PBX1: variants seen among roughly 807,000 people sequenced by gnomAD.
PBX1 encodes PBX homeobox 1.
A neutral mutation model predicts 53.4 loss-of-function variants in PBX1; 6 were observed. That is an observed-to-expected ratio of 0.11 (90% CI 0.06 to 0.22). PBX1 has a LOEUF of 0.22. PBX1 is among the 10% of genes least tolerant of loss of function. The probability of loss-of-function intolerance (pLI) is 1.00; values close to 1 mark genes in which losing one functional copy is unlikely to be tolerated. For synonymous variants in PBX1, 204 were observed against 212.3 expected, an observed-to-expected ratio of 0.96 and a Z score of 0.34; for missense variants, 251 against 551.4, an observed-to-expected ratio of 0.46 and a Z score of 5.46.
chr1:164,653,433 C>T (rs1183781423), intron 2 of PBX1, among the ~76,000 whole-genome samples: 2 of 151,896 alleles, frequency 1.3e-5, no homozygotes, highest in East Asian at 3.9e-4. Flanking sequence ...TGGGTGATGG[C>T]CTGGCTCCCT....
At chr1:164,737,073 A>G (rs572668416) in intron 2 of PBX1, among the ~76,000 whole-genome samples, 98 of 152,354 alleles carry the variant, frequency 6.4e-4, no homozygotes, top group African/African-American at 2.1e-3. Context: ...GGATTCCACC[A>G]AACAGTGGTG....
intron 1 of PBX1, among the ~76,000 whole-genome samples, chr1:164,561,661 T>C (rs552337294): frequency 3.7e-4 from 57 of 152,286 alleles, no homozygotes; most frequent in East Asian, 9.6e-4. Context: ...TACTACTTTT[T>C]TGATGTTCAG....
chr1:164,631,685 G>A (rs576117312), intron 2 of PBX1, among the ~76,000 whole-genome samples: 15 of 152,274 alleles, frequency 9.9e-5, no homozygotes, highest in African/African-American at 3.6e-4. Flanking sequence ...TATTATTTTA[G>A]TAGACAGATG....
rs567132422 is a variant in PBX1, at chr1:164,718,142, T to G, written c.266-74352T>G. Among the ~76,000 whole-genome samples, 20 of 152,346 alleles carry G rather than the reference T, an allele frequency of 1.3e-4. 1 individual carries two copies. The highest frequency in any genetic ancestry group is 2.1e-4 in the South Asian group (1 of 4,828). Reference sequence around the variant, plus strand: ...GATTCCTAAACTGTGGATAAAGTTGTGTTTCCATTTGGACTTACCACGAAT... The same window carrying G: ...GATTCCTAAACTGTGGATAAAGTTGGGTTTCCATTTGGACTTACCACGAAT... On this transcript the variant is annotated intron_variant, in intron 2 of 8. Transcript: ENST00000420696.
rs1557954588 is a variant in PBX1 at position 164,705,020 on chromosome 1, C to T, written c.266-87474C>T. 2.0e-5 allele frequency among the ~76,000 whole-genome samples: 3 copies of T among 152,176 alleles called. No individual in the cohort carries two copies. In the South Asian group the frequency reaches 6.2e-4, roughly 31 times the overall value. On this transcript the variant is annotated intron_variant, in intron 2 of 8. Transcript: ENST00000420696. Reference sequence around the variant, plus strand: ...GGAAATCATTTGAGAAATTTTGTAACATTTGTGATAATCTATAAAAAGGTT... The same window carrying T: ...GGAAATCATTTGAGAAATTTTGTAATATTTGTGATAATCTATAAAAAGGTT...
intron 8 of PBX1, among the ~76,000 whole-genome samples, chr1:164,834,345 T>C (rs1009436974): frequency 2.7e-5 from 4 of 147,810 alleles, no homozygotes; most frequent in Non-Finnish European, 1.5e-5. Flanking sequence ...TATTTTTCTT[T>C]CTTTTTTTTT....
intron 4 of PBX1, among the ~76,000 whole-genome samples, chr1:164,806,843 T>C (rs1006283098): frequency 2.0e-5 from 3 of 152,218 alleles, no homozygotes; most frequent in African/African-American, 4.8e-5. Context: ...TGCTGAGTGC[T>C]GTCTTTGTGT....
At chr1:164,821,499 C>T in intron 7 of PBX1, 38 bp from the exon 8 acceptor site, 2 of 1,525,918 alleles carry the variant, frequency 1.3e-6, no homozygotes, top group Non-Finnish European at 1.8e-6. Context: ...CTACACCTCT[C>T]TGACTAATTT....
At chr1:164,857,550 G>T (rs1672005953) in intron 2 of PBX1, among the ~76,000 whole-genome samples, 2 of 152,292 alleles carry the variant, frequency 1.3e-5, no homozygotes, top group South Asian at 2.1e-4. Flanking sequence ...ATTGTGGGGT[G>T]GGGCTGAAAG....
chr1:164,829,188 G>T (rs572569647), intron 8 of PBX1: 2 of 152,306 alleles, frequency 1.3e-5, no homozygotes, highest in East Asian at 3.9e-4. Flanking sequence ...CTCTGAAAGA[G>T]AAGAAATATA....
intron 2 of PBX1, among the ~76,000 whole-genome samples, chr1:164,630,084 A>G (rs568118219): frequency 1.3e-5 from 2 of 152,304 alleles, no homozygotes; most frequent in South Asian, 2.1e-4. Flanking sequence ...TCCTAATGTT[A>G]TTTTGCAAAG....
chr1:164,709,434 G>C (rs1477548163), intron 2 of PBX1, among the ~76,000 whole-genome samples: 1 of 152,194 alleles, frequency 6.6e-6, no homozygotes, highest in African/African-American at 2.4e-5. Context: ...AACACTTTAA[G>C]TTGAATAAAC....
intron 2 of PBX1, among the ~76,000 whole-genome samples, chr1:164,758,061 A>G (rs1031097579): frequency 1.3e-5 from 2 of 152,168 alleles, no homozygotes; most frequent in African/African-American, 4.8e-5. Flanking sequence ...ACCCAGAACC[A>G]TCTACTTGCC....
intron 2 of PBX1, among the ~76,000 whole-genome samples, chr1:164,740,111 A>C (rs1277926209): frequency 1.3e-5 from 2 of 152,180 alleles, no homozygotes. Context: ...AGGAAATAAA[A>C]GGTGCCTGTG....
At chr1:164,574,728 T>A (rs529294789) in intron 2 of PBX1, among the ~76,000 whole-genome samples, 2 of 152,152 alleles carry the variant, frequency 1.3e-5, no homozygotes, top group Non-Finnish European at 2.9e-5. Flanking sequence ...ACACCTATAA[T>A]CCCAGCACTT....
At chr1:164,739,132 C>A (rs1406573615) in intron 2 of PBX1, among the ~76,000 whole-genome samples, 1 of 152,046 alleles carries the variant, frequency 6.6e-6, no homozygotes, top group Non-Finnish European at 1.5e-5. Context: ...AAGCTGTAGT[C>A]CAGAAAACTA....
intron 2 of PBX1, among the ~76,000 whole-genome samples, chr1:164,792,025 A>G (rs565870363): frequency 6.6e-6 from 1 of 152,148 alleles, no homozygotes; most frequent in Admixed American, 6.5e-5. Flanking sequence ...GGGTTTCACC[A>G]TGTTTGCCAG....
At chr1:164,637,068 GTTAATT>G (rs1236751630) in intron 2 of PBX1, among the ~76,000 whole-genome samples, 1 of 152,074 alleles carries the variant, frequency 6.6e-6, no homozygotes, top group East Asian at 1.9e-4. Flanking sequence ...AACTGACCTC[GTTAATT>G]TTAATGAGGG....
At chr1:164,750,092 A>G (rs1666114779) in intron 2 of PBX1, among the ~76,000 whole-genome samples, 1 of 149,984 alleles carries the variant, frequency 6.7e-6, no homozygotes, top group Admixed American at 6.6e-5. Context: ...GTGAGATCCT[A>G]ACTCCAAAAA....
Sources: gnomAD v4.1 joint callset for allele counts (sites outside exome capture counted in the v4.1 genomes callset) on GRCh38, gnomAD v4.1.1 for gene constraint, MANE v1.5 for transcripts, NCBI Gene and HGNC (gene_info 2026-07-23, HGNC 2026-07-21) for gene names.